Variants in UBE2G2 observed in about 807,000 individuals in gnomAD.
UBE2G2 encodes the protein ubiquitin-conjugating enzyme E2 G2.
A neutral mutation model predicts 23.0 loss-of-function variants in UBE2G2; 10 were observed. The observed-to-expected ratio is 0.43, with a 90% CI of 0.27 to 0.74. The LOEUF is 0.74. UBE2G2 is among the 30% of genes least tolerant of loss of function. The probability of loss-of-function intolerance (pLI) is 0.19; values close to 1 mark genes in which losing one functional copy is unlikely to be tolerated. For missense variants in UBE2G2, 150 were observed against 218.3 expected, an observed-to-expected ratio of 0.69 and a Z score of 1.97; for synonymous variants, 86 against 81.3, an observed-to-expected ratio of 1.06 and a Z score of -0.31.
At position 44,777,114 on chromosome 21, in the gene UBE2G2, G is replaced by A. The variant is rs76882933; in HGVS notation, c.244+185C>T. ...TGTTGTCTTTTATCTATATTAAACTGACCTTCAAAATTGAAATCATGTGCT... is the reference window on the plus strand; with the variant it reads ...TGTTGTCTTTTATCTATATTAAACTAACCTTCAAAATTGAAATCATGTGCT... On this transcript the variant is annotated intron_variant, in intron 4 of 5. Coordinates refer to ENST00000345496, the MANE Select transcript of UBE2G2 (RefSeq NM_003343.6). The A allele has an allele frequency of 1.8e-4, 106 of 578,686 alleles. 1 individual carries two copies. Among genetic ancestry groups the A allele is most frequent in the Admixed American group, 2.9e-4 (9 of 31,162 alleles). The allele number at this position is 578,686 out of a possible 1,614,324, so 35.8% of individuals were successfully genotyped here.
In UBE2G2 at chr21:44,771,915, G is replaced by A. The variant is rs2082877771; in HGVS notation, c.386-426C>T. 6.6e-6 allele frequency among the ~76,000 whole-genome samples: 1 copy of A among 152,158 alleles called. No homozygotes were observed. The highest frequency in any genetic ancestry group is 2.4e-5 in the African/African-American group (1 of 41,432). ...TTCTCTCTCACAGAGCGCCCTCTCA[G>A]CAAAACTGCCCCTCACAGCTCCTAC... is the stretch of plus-strand genomic sequence containing the variant. On this transcript the variant is annotated intron_variant, in intron 5 of 5. Coordinates refer to ENST00000345496, the MANE Select transcript of UBE2G2 (RefSeq NM_003343.6). This position sits in a 1 kb window ranked among gnomAD's most constrained non-coding sequence, Gnocchi z 4.6.
intron 1 of UBE2G2, among the ~76,000 whole-genome samples, chr21:44,794,518 T>TA (rs1379499228): frequency 3.3e-5 from 5 of 149,956 alleles, no homozygotes; most frequent in African/African-American, 1.2e-4. Flanking sequence ...ATCGAAATAA[T>TA]AAAAACCCTT....
At chr21:44,779,584 G>C (rs531123240) in intron 3 of UBE2G2, among the ~76,000 whole-genome samples, 1 of 152,184 alleles carries the variant, frequency 6.6e-6, no homozygotes, top group South Asian at 2.1e-4. Flanking sequence ...TGCTCCCCCT[G>C]CAATGGCCTG....
chr21:44,788,661 T>C (rs2083019752), intron 1 of UBE2G2, among the ~76,000 whole-genome samples: 1 of 151,778 alleles, frequency 6.6e-6, no homozygotes, highest in Non-Finnish European at 1.5e-5. Flanking sequence ...AAAGCAAACA[T>C]AAGGGGTACA....
At chr21:44,788,223 T>C (rs1238642776) in intron 1 of UBE2G2, 128 bp from the exon 2 acceptor site, 17 of 887,782 alleles carry the variant, frequency 1.9e-5, no homozygotes, top group Non-Finnish European at 2.7e-5. Context: ...GTGAAAATTC[T>C]GTTTGCCCAA....
intron 3 of UBE2G2, among the ~76,000 whole-genome samples, chr21:44,780,046 G>A (rs1049481079): frequency 1.3e-5 from 2 of 152,186 alleles, no homozygotes; most frequent in Admixed American, 6.5e-5. Context: ...TCAATACTTT[G>A]ATAACAGTTC....
chr21:44,790,769 AG>A (rs545155562), intron 1 of UBE2G2, among the ~76,000 whole-genome samples: 9 of 152,200 alleles, frequency 5.9e-5, no homozygotes, highest in Non-Finnish European at 1.0e-4. Flanking sequence ...AAGTTCTTAT[AG>A]GAGTGTGAAA....
chr21:44,801,449 C>T (rs1255879636), intron 1 of UBE2G2: 2 of 1,210,526 alleles, frequency 1.7e-6, no homozygotes, highest in Non-Finnish European at 2.1e-6. Context: ...CGCAAAGACT[C>T]AACTGTGTGT....
intron 3 of UBE2G2, chr21:44,785,921 G>A (rs1555961912): frequency 2.0e-5 from 3 of 152,158 alleles, no homozygotes; most frequent in Non-Finnish European, 4.4e-5. Flanking sequence ...TTTTAAGACA[G>A]GTTTTCAAAA....
chr21:44,786,502 T>A (rs2082997907), intron 3 of UBE2G2, among the ~76,000 whole-genome samples: 1 of 152,244 alleles, frequency 6.6e-6, no homozygotes, highest in South Asian at 2.1e-4. Context: ...CGTTTGATGA[T>A]TTTTTAAAAA....
At chr21:44,780,948 C>A (rs1162797861) in intron 3 of UBE2G2, among the ~76,000 whole-genome samples, 1 of 152,222 alleles carries the variant, frequency 6.6e-6, no homozygotes, top group Non-Finnish European at 1.5e-5. Context: ...GCACCCAGGG[C>A]AAGTGGGTGC....
chr21:44,801,001 A>G (rs902207254), intron 1 of UBE2G2: 11 of 152,246 alleles, frequency 7.2e-5, no homozygotes, highest in African/African-American at 2.4e-4. Context: ...GCCGGCTACT[A>G]TCTCGTCTCC....
intron 1 of UBE2G2, among the ~76,000 whole-genome samples, chr21:44,792,546 T>C (rs2083054156): frequency 6.6e-6 from 1 of 152,188 alleles, no homozygotes; most frequent in African/African-American, 2.4e-5. Flanking sequence ...TGTTTCCCTT[T>C]CTGCCATGAC....
At chr21:44,778,862 A>G (rs574067130) in intron 3 of UBE2G2, among the ~76,000 whole-genome samples, 1 of 152,372 alleles carries the variant, frequency 6.6e-6, no homozygotes, top group Admixed American at 6.5e-5. Context: ...ACAGTCGTGC[A>G]GGGGCCGAGG....
In UBE2G2 at chr21:44,771,193, T is replaced by G. The variant is rs1459416369; in HGVS notation, c.*184A>C. ...GCAGTAAGCTGTCAATATTCGACATTAAGTCATCATTTCAGAAGAGAAGCC... is the reference window on the plus strand; with the variant it reads ...GCAGTAAGCTGTCAATATTCGACATGAAGTCATCATTTCAGAAGAGAAGCC... On this transcript the variant is annotated 3_prime_UTR_variant, in exon 6 of 6. Coordinates refer to ENST00000345496, the MANE Select transcript of UBE2G2 (RefSeq NM_003343.6). The surrounding 1 kb of genome is among the most constrained non-coding windows in gnomAD (Gnocchi z 4.6). 1.7e-6 allele frequency: 1 copy of G among 590,032 alleles called. No individual in the cohort carries two copies. Among genetic ancestry groups the G allele is most frequent in the Non-Finnish European group, 3.0e-6 (1 of 335,812 alleles). The allele number at this position is 590,032 out of a possible 1,614,324, so 36.5% of individuals were successfully genotyped here. A position where few individuals can be genotyped will look rare whatever the true frequency, so the allele number is the denominator to read the frequency against.
chr21:44,786,205 C>T (rs1420842690), intron 3 of UBE2G2, among the ~76,000 whole-genome samples: 2 of 152,208 alleles, frequency 1.3e-5, no homozygotes, highest in East Asian at 3.9e-4. Flanking sequence ...CCTGCATTAA[C>T]ACATGAAACA....
At chr21:44,784,027 G>A (rs1406453725) in intron 3 of UBE2G2, among the ~76,000 whole-genome samples, 1 of 152,128 alleles carries the variant, frequency 6.6e-6, no homozygotes, top group African/African-American at 2.4e-5. Context: ...GTGGTGGTGT[G>A]CACCTGTGGT....
chr21:44,769,377 C>CA lies in UBE2G2; in HGVS notation c.*1999dup, dbSNP rs2082853826. The CA allele has an allele frequency of 9.1e-6, 1 of 109,430 alleles. No homozygotes were observed. 6.8% of individuals were successfully genotyped at this position (109,430 alleles called of 1,614,324 possible). On this transcript the variant is annotated 3_prime_UTR_variant, in exon 6 of 6. Coordinates refer to ENST00000345496, the MANE Select transcript of UBE2G2 (RefSeq NM_003343.6). The stretch of plus-strand genomic sequence containing the variant: ...AAATACGAGTTCTTGCCCTGCGTTC[C>CA]ATTTTTTTTTTTTTTTTTTTTGAGA...
chr21:44,789,132 C>G (rs1687885115), intron 1 of UBE2G2: 1 of 152,056 alleles, frequency 6.6e-6, no homozygotes, highest in Non-Finnish European at 1.5e-5. Context: ...CGCCTGTAAT[C>G]CCAGCACTTT....
Sources: gnomAD v4.1 joint callset for allele counts (sites outside exome capture counted in the v4.1 genomes callset) on GRCh38, gnomAD v4.1.1 for gene constraint, Gnocchi (gnomAD v3.1) non-coding constraint, MANE v1.5 for transcripts, NCBI Gene and HGNC (gene_info 2026-07-23, HGNC 2026-07-21) for gene names.